UBE2R2: variants seen among roughly 807,000 people sequenced by gnomAD.
UBE2R2 encodes the protein ubiquitin conjugating enzyme E2 R2, also known as ubiquitin-conjugating enzyme E2 R2.
Under a neutral mutation model 27.8 loss-of-function variants are expected in UBE2R2, and 1 was observed. That is an observed-to-expected ratio of 0.04 (90% CI 0.01 to 0.17). The LOEUF (loss-of-function observed/expected upper bound fraction) is 0.17. Ranked by LOEUF, UBE2R2 falls within the 10% of genes least tolerant of loss-of-function variation. The pLI is 1.00. For synonymous variants in UBE2R2, 106 were observed against 113.3 expected (o/e 0.94, Z 0.41); for missense variants, 100 against 291.0 (o/e 0.34, Z 4.78).
intron 3 of UBE2R2, among the ~76,000 whole-genome samples, chr9:33,911,562 G>A (rs1822491287): frequency 6.6e-6 from 1 of 151,832 alleles, no homozygotes; most frequent in South Asian, 2.1e-4. Context: ...GTATTTGAAA[G>A]CTTCTAAGAC....
intron 1 of UBE2R2, among the ~76,000 whole-genome samples, chr9:33,843,767 G>A (rs1384118928): frequency 6.6e-6 from 1 of 152,164 alleles, no homozygotes; most frequent in African/African-American, 2.4e-5. Flanking sequence ...GAGCCACTGC[G>A]CCCAGCCTAC....
intron 1 of UBE2R2, among the ~76,000 whole-genome samples, chr9:33,870,852 A>G (rs915578321): frequency 6.6e-6 from 1 of 152,172 alleles, no homozygotes; most frequent in Non-Finnish European, 1.5e-5. Context: ...TATTTCCTCA[A>G]TATAGAAAAC....
intron 1 of UBE2R2, among the ~76,000 whole-genome samples, chr9:33,855,552 T>C (rs1249866491): frequency 6.6e-6 from 1 of 152,232 alleles, no homozygotes; most frequent in African/African-American, 2.4e-5. Flanking sequence ...AGTTCTTGTC[T>C]GCTTCTGAGA....
intron 1 of UBE2R2, among the ~76,000 whole-genome samples, chr9:33,841,986 C>T (rs1820742868): frequency 6.6e-6 from 1 of 152,110 alleles, no homozygotes; most frequent in Non-Finnish European, 1.5e-5. Context: ...TATTCTCTTT[C>T]AACCTTAATT....
chr9:33,831,821 G>T (rs1007519331), intron 1 of UBE2R2, among the ~76,000 whole-genome samples: 1 of 151,326 alleles, frequency 6.6e-6, no homozygotes, highest in Non-Finnish European at 1.5e-5. Flanking sequence ...CAACACGCCC[G>T]GTTAATTTTT....
Position 33,852,927 on chromosome 9 carries a change from G to T in UBE2R2, c.178-33954G>T, listed in dbSNP as rs576743882. Among the ~76,000 whole-genome samples, 3 of 152,248 alleles carry T rather than the reference G, an allele frequency of 2.0e-5. No individual in the cohort carries two copies. In the East Asian group the frequency reaches 5.8e-4, roughly 29 times the overall value. ...GGTGACTGAGGCATGAGAATTGCTT[G>T]AACCCAGGAGGCGGAGGTTGCAGTG... On this transcript the variant is annotated intron_variant, in intron 1 of 4. Transcript: ENST00000263228.
intron 2 of UBE2R2, among the ~76,000 whole-genome samples, chr9:33,891,047 G>GTTTTTTTTTTTTTTT (rs1554676109): frequency 4.7e-5 from 6 of 126,372 alleles, no homozygotes; most frequent in Admixed American, 1.7e-4. Flanking sequence ...TTGTTGTTGT[G>GTTTTTTTTTTTTTTT]TTTTTTTGTT....
At chr9:33,837,612 G>A (rs1293411181) in intron 1 of UBE2R2, among the ~76,000 whole-genome samples, 1 of 152,038 alleles carries the variant, frequency 6.6e-6, no homozygotes, top group Non-Finnish European at 1.5e-5. Flanking sequence ...TTTTAGTAGA[G>A]ATGGGTTTTG....
At chr9:33,837,520 G>A (rs1454973440) in intron 1 of UBE2R2, among the ~76,000 whole-genome samples, 1 of 151,600 alleles carries the variant, frequency 6.6e-6, no homozygotes, top group African/African-American at 2.4e-5. Context: ...CTGCCTCCTG[G>A]GCTCAAGAGA....
intron 2 of UBE2R2, among the ~76,000 whole-genome samples, chr9:33,896,716 G>T (rs1822113832): frequency 6.6e-6 from 1 of 151,530 alleles, no homozygotes; most frequent in Non-Finnish European, 1.5e-5. Context: ...CCAAAGTCCT[G>T]GGGTTACAGG....
intron 1 of UBE2R2, among the ~76,000 whole-genome samples, chr9:33,871,947 C>T (rs1037778523): frequency 3.3e-5 from 5 of 152,022 alleles, no homozygotes; most frequent in African/African-American, 1.2e-4. Flanking sequence ...TTCCTGACCT[C>T]GTGATCCGCC....
intron 1 of UBE2R2, among the ~76,000 whole-genome samples, chr9:33,874,594 ACC>A (rs1821563575): frequency 6.6e-6 from 1 of 151,470 alleles, no homozygotes; most frequent in South Asian, 2.1e-4. Context: ...TATTTATCCT[ACC>A]CGCCCCCTCC....
intron 3 of UBE2R2, among the ~76,000 whole-genome samples, chr9:33,906,690 C>CA (rs1420749699): frequency 6.6e-6 from 1 of 152,118 alleles, no homozygotes; most frequent in Non-Finnish European, 1.5e-5. Flanking sequence ...TGAAAATGGG[C>CA]AAATGGAGTA....
intron 1 of UBE2R2, among the ~76,000 whole-genome samples, chr9:33,843,733 T>G (rs1820781098): frequency 1.3e-5 from 2 of 151,752 alleles, no homozygotes; most frequent in African/African-American, 2.4e-5. Flanking sequence ...CCTTGGCCTC[T>G]CAGAGTGCTG....
intron 2 of UBE2R2, among the ~76,000 whole-genome samples, chr9:33,898,976 G>A (rs1822185750): frequency 6.6e-6 from 1 of 152,244 alleles, no homozygotes; most frequent in South Asian, 2.1e-4. Flanking sequence ...AAATATAATA[G>A]CCATAGTGGG....
chr9:33,886,011 G>C (rs58794850), intron 1 of UBE2R2, among the ~76,000 whole-genome samples: 1,852 of 152,272 alleles, frequency 0.012, 38 homozygotes, highest in African/African-American at 0.041. Context: ...TGCAGATACT[G>C]TCAGTCATCC....
At chr9:33,910,044 GA>G (rs1430399179) in intron 3 of UBE2R2, among the ~76,000 whole-genome samples, 1 of 152,130 alleles carries the variant, frequency 6.6e-6, no homozygotes, top group African/African-American at 2.4e-5. Context: ...AAAAGATAGA[GA>G]AATTTCATTT....
At chr9:33,887,115 G>T in intron 2 of UBE2R2, 148 bp downstream of exon 2, 1 of 649,856 alleles carries the variant, frequency 1.5e-6, no homozygotes, top group Non-Finnish European at 2.6e-6. Context: ...AACAGTTTCT[G>T]GATTAATTAT....
At chr9:33,887,521 G>T (rs144250112) in intron 2 of UBE2R2, among the ~76,000 whole-genome samples, 24 of 152,312 alleles carry the variant, frequency 1.6e-4, no homozygotes, top group African/African-American at 5.8e-4. Flanking sequence ...TTGATGAAAC[G>T]TACTTAGCTT....
Sources: gnomAD v4.1 joint callset for allele counts (sites outside exome capture counted in the v4.1 genomes callset) on GRCh38, gnomAD v4.1.1 for gene constraint, MANE v1.5 for transcripts, NCBI Gene and HGNC (gene_info 2026-07-23, HGNC 2026-07-21) for gene names.